KIAA1549: variants seen among roughly 807,000 people sequenced by gnomAD.
The protein encoded by KIAA1549 is UPF0606 protein KIAA1549.
In KIAA1549, 70 loss-of-function variants were observed where a neutral mutation model predicts 156.4. That is an observed-to-expected ratio of 0.45 (90% confidence interval 0.37 to 0.55). The LOEUF is 0.55. Among genes scored for constraint, KIAA1549 ranks in the 20% least tolerant of loss-of-function variants. The pLI is 0.00. For synonymous variants in KIAA1549, 1,103 were observed against 1,066.4 expected, an observed-to-expected ratio of 1.03 and a Z score of -0.67; for missense variants, 2,428 against 2,540.9, an observed-to-expected ratio of 0.96 and a Z score of 0.96.
chr7:138,933,064 C>T (rs985853847), intron 1 of KIAA1549, among the ~76,000 whole-genome samples: 1 of 151,980 alleles, frequency 6.6e-6, no homozygotes, highest in Admixed American at 6.6e-5. Flanking sequence ...CACGTGCAGG[C>T]TGGAGAGGCC....
intron 10 of KIAA1549, among the ~76,000 whole-genome samples, chr7:138,882,941 A>G (rs967064842): frequency 6.6e-6 from 1 of 151,750 alleles, no homozygotes; most frequent in African/African-American, 2.4e-5. Context: ...CTGTGGTAAG[A>G]TATTATGTCA....
At chr7:138,895,717 T>G (rs1811665968) in intron 9 of KIAA1549, among the ~76,000 whole-genome samples, 1 of 152,012 alleles carries the variant, frequency 6.6e-6, no homozygotes, top group African/African-American at 2.4e-5. Flanking sequence ...TGATGTATAT[T>G]TTACTGCAAT....
In KIAA1549 at chr7:138,905,008, T is replaced by G; in HGVS notation, c.3520+14A>C. 1.3e-6 allele frequency: 2 copies of G among 1,523,440 alleles called. No individual in the cohort carries two copies. The highest frequency in any genetic ancestry group is 1.8e-6 in the Non-Finnish European group (2 of 1,117,780). The allele number at this position is 1,523,440 out of a possible 1,614,324, so 94.4% of individuals were successfully genotyped here. A position where few individuals can be genotyped will look rare whatever the true frequency, so the allele number is the denominator to read the frequency against. On this transcript the variant is annotated intron_variant, in intron 7 of 19. Transcript: ENST00000422774. ...TCCTTACAGTTCCCAAAATATTACA[T>G]AAGTTAAACATACCTGTTCTGACCC... is the stretch of plus-strand genomic sequence containing the variant.
At chr7:138,897,262 T>C (rs934290717) in intron 9 of KIAA1549, among the ~76,000 whole-genome samples, 3 of 152,200 alleles carry the variant, frequency 2.0e-5, no homozygotes, top group African/African-American at 7.2e-5. Flanking sequence ...CACATCAATA[T>C]GTGATCATAT....
rs987274906 is a variant in KIAA1549, at chr7:138,835,659, T to C, written c.*2247A>G. ...CATAATAAAATTCTGCTTGGATATC[T>C]GAAATTCTTAATAACATATTCAGGA... On this transcript the variant is annotated 3_prime_UTR_variant, in exon 20 of 20. Transcript: ENST00000422774. The C allele has an allele frequency of 9.1e-6, 2 of 219,232 alleles. No individual in the cohort carries two copies. Among genetic ancestry groups the C allele is most frequent in the Admixed American group, 5.8e-5 (1 of 17,268 alleles). 13.6% of individuals were successfully genotyped at this position (219,232 alleles called of 1,614,324 possible). A position where few individuals can be genotyped will look rare whatever the true frequency, so the allele number is the denominator to read the frequency against.
intron 1 of KIAA1549, among the ~76,000 whole-genome samples, chr7:138,955,204 T>G (rs189187925): frequency 9.1e-4 from 139 of 152,272 alleles, no homozygotes; most frequent in Admixed American, 2.1e-3. Context: ...ATCACTGTAA[T>G]TCACAATAGC....
At chr7:138,922,672 A>G (rs986973754) in intron 1 of KIAA1549, among the ~76,000 whole-genome samples, 1 of 152,030 alleles carries the variant, frequency 6.6e-6, no homozygotes, top group African/African-American at 2.4e-5. Flanking sequence ...CAATTTAGAC[A>G]GAGCTGAAAC....
At chr7:138,855,460 C>T (rs545759226) in intron 16 of KIAA1549, among the ~76,000 whole-genome samples, 28 of 152,174 alleles carry the variant, frequency 1.8e-4, no homozygotes, top group Non-Finnish European at 3.8e-4. Context: ...TGAGAGATGA[C>T]GGTGGCTCCA....
Position 138,869,729 on chromosome 7 carries a change from G to C in KIAA1549, c.4584C>G (p.Ile1528Met). ...IQTALRHKSE[I>M]EHHRNKIRLR... Reference sequence around the variant, plus strand: ...GGCGGATCTTGTTGCGATGGTGCTCGATCTCAGACTTGTGCCGCAGCGCGG... The same window carrying C: ...GGCGGATCTTGTTGCGATGGTGCTCCATCTCAGACTTGTGCCGCAGCGCGG... Residue 1528 changes from isoleucine (I) to methionine (M), a missense_variant, in exon 14 of 20, where the codon ATC becomes ATG. Coordinates refer to ENST00000422774, the MANE Select transcript of KIAA1549 (RefSeq NM_001164665.2). 6.2e-7 allele frequency: 1 copy of C among 1,611,676 alleles called. No homozygotes were observed. Among genetic ancestry groups the C allele is most frequent in the Non-Finnish European group, 8.5e-7 (1 of 1,179,788 alleles).
intron 1 of KIAA1549, among the ~76,000 whole-genome samples, chr7:138,969,917 C>A (rs1584792621): frequency 6.6e-6 from 1 of 152,184 alleles, no homozygotes; most frequent in African/African-American, 2.4e-5. Context: ...GCATAATAAT[C>A]ACATCAAGGT....
At chr7:138,970,776 C>A (rs1814195871) in intron 1 of KIAA1549, among the ~76,000 whole-genome samples, 1 of 152,232 alleles carries the variant, frequency 6.6e-6, no homozygotes, top group Admixed American at 6.5e-5. Context: ...CCCCTGGAAG[C>A]TGGCTCCATA....
intron 1 of KIAA1549, among the ~76,000 whole-genome samples, chr7:138,949,403 A>AT (rs1813430062): frequency 6.6e-6 from 1 of 152,212 alleles, no homozygotes. Context: ...ATAGACCCGC[A>AT]TATTAGGTAT....
At chr7:138,869,839 T>C (rs1563056472) in intron 13 of KIAA1549, 78 bp from the exon 14 acceptor site, 2 of 942,296 alleles carry the variant, frequency 2.1e-6, no homozygotes, top group Admixed American at 5.3e-5. Context: ...GCAAAGTCTT[T>C]ATTTATTTTT....
intron 1 of KIAA1549, among the ~76,000 whole-genome samples, chr7:138,925,136 C>A (rs1024978986): frequency 3.3e-5 from 5 of 152,208 alleles, no homozygotes; most frequent in Non-Finnish European, 7.3e-5. Context: ...CTGCCCTGCG[C>A]TCCCACCACC....
intron 10 of KIAA1549, among the ~76,000 whole-genome samples, chr7:138,890,965 G>A (rs971187244): frequency 2.0e-5 from 3 of 152,022 alleles, no homozygotes; most frequent in Admixed American, 6.6e-5. Context: ...GCTGCCCTCC[G>A]CTCCCCCACT....
At position 138,962,772 on chromosome 7, in the gene KIAA1549, C is replaced by T. The variant is rs1813892535; in HGVS notation, c.187+18311G>A. On this transcript the variant is annotated intron_variant, in intron 1 of 19. Transcript: ENST00000422774. ...CGCAGAATCATGAGAAATAATAAAC[C>T]ATTACTGTTTTCAACCATTCTGTTT... Among the ~76,000 whole-genome samples the T allele has an allele frequency of 1.3e-5, 2 of 152,100 alleles. 1 individual carries two copies. The highest frequency in any genetic ancestry group is 4.2e-4 in the South Asian group (2 of 4,814).
intron 19 of KIAA1549, among the ~76,000 whole-genome samples, chr7:138,839,158 T>C (rs1373528590): frequency 6.6e-6 from 1 of 152,196 alleles, no homozygotes; most frequent in Non-Finnish European, 1.5e-5. Context: ...CACCTTATTC[T>C]AAAGTTAATG....
At chr7:138,963,022 C>A (rs192870695) in intron 1 of KIAA1549, among the ~76,000 whole-genome samples, 3 of 152,190 alleles carry the variant, frequency 2.0e-5, no homozygotes, top group Non-Finnish European at 4.4e-5. Flanking sequence ...CCCTTGTAGA[C>A]GGAGTTGCTA....
intron 2 of KIAA1549, among the ~76,000 whole-genome samples, chr7:138,915,499 T>C (rs1584752415): frequency 1.3e-5 from 2 of 152,024 alleles, no homozygotes; most frequent in Admixed American, 1.3e-4. Context: ...TTCCCACAGG[T>C]AGGGTGTTGA....
Sources: allele counts gnomAD v4.1 joint callset (sites outside exome capture counted in the v4.1 genomes callset), GRCh38; gene constraint gnomAD v4.1.1; transcripts MANE v1.5; gene names NCBI Gene and HGNC (gene_info 2026-07-23, HGNC 2026-07-21).